Variants in COG5 observed in about 807,000 individuals in gnomAD.
COG5 encodes the protein component of oligomeric golgi complex 5.
COG5 carries 86 observed loss-of-function variants against 110.4 expected under a neutral mutation model. The ratio of observed to expected loss-of-function variants is 0.78; its 90% CI spans 0.65 to 0.93. The LOEUF (loss-of-function observed/expected upper bound fraction) is 0.93, where lower values mean the gene tolerates loss of function less well. Ranked by LOEUF, COG5 falls within the 40% of genes least tolerant of loss-of-function variation. The pLI, the probability that COG5 is intolerant of heterozygous loss-of-function variation, is 0.00. For missense variants in COG5, 1,077 were observed against 987.0 expected, an observed-to-expected ratio of 1.09 and a Z score of -1.22; for synonymous variants, 360 against 334.6, an observed-to-expected ratio of 1.08 and a Z score of -0.83.
At chr7:107,421,726 A>C (rs1793306285) in intron 6 of COG5, among the ~76,000 whole-genome samples, 1 of 151,674 alleles carries the variant, frequency 6.6e-6, no homozygotes, top group Non-Finnish European at 1.5e-5. Context: ...AGATTGCGCC[A>C]CTGCACTCCA....
chr7:107,482,199 T>G (rs1168672655), intron 6 of COG5, among the ~76,000 whole-genome samples: 2 of 151,340 alleles, frequency 1.3e-5, no homozygotes, highest in Non-Finnish European at 2.9e-5. Flanking sequence ...TGGGGTGCAG[T>G]GGTACAATCA....
intron 5 of COG5, among the ~76,000 whole-genome samples, chr7:107,532,538 T>C (rs928578133): frequency 6.6e-6 from 1 of 152,152 alleles, no homozygotes; most frequent in African/African-American, 2.4e-5. Context: ...CAAATATATA[T>C]ATACACACAA....
In COG5 at chr7:107,474,513, T is replaced by G; in HGVS notation, c.538+52724A>C. On this transcript the variant is annotated intron_variant, in intron 6 of 21. Transcript: ENST00000297135. This position sits in a 1 kb window ranked among gnomAD's most constrained non-coding sequence, Gnocchi z 5.7. ...TCTCTGTAAAACCTGCAAACCGAAT[T>G]CTGACAATGGGCAGAGCTGTAATGT... is the stretch of plus-strand genomic sequence containing the variant. 1 of 1,612,954 alleles carries G rather than the reference T, an allele frequency of 6.2e-7. No individual in the cohort carries two copies. Among genetic ancestry groups the G allele is most frequent in the Non-Finnish European group, 8.5e-7 (1 of 1,179,226 alleles).
intron 6 of COG5, among the ~76,000 whole-genome samples, chr7:107,415,828 GTA>G (rs1231236549): frequency 1.3e-4 from 11 of 82,486 alleles, no homozygotes; most frequent in African/African-American, 4.3e-4. Context: ...ATACACGTAT[GTA>G]TGTATGTGTG....
At chr7:107,538,196 C>G (rs1335305147) in intron 5 of COG5, among the ~76,000 whole-genome samples, 1 of 152,144 alleles carries the variant, frequency 6.6e-6, no homozygotes, top group Non-Finnish European at 1.5e-5. Context: ...AACACAGCAC[C>G]AGCCAGCCAG....
At chr7:107,260,146 T>A (rs1250419010) in intron 14 of COG5, among the ~76,000 whole-genome samples, 1 of 150,560 alleles carries the variant, frequency 6.6e-6, no homozygotes, top group Non-Finnish European at 1.5e-5. Flanking sequence ...CATAGCAGCA[T>A]TTATTCATAA....
chr7:107,349,173 T>C (rs1811904664), intron 10 of COG5, among the ~76,000 whole-genome samples: 1 of 152,238 alleles, frequency 6.6e-6, no homozygotes, highest in South Asian at 2.1e-4. Flanking sequence ...GAAGTACAAC[T>C]GACTTTTATA....
intron 6 of COG5, among the ~76,000 whole-genome samples, chr7:107,428,567 T>G (rs1424632100): frequency 6.6e-6 from 1 of 152,218 alleles, no homozygotes; most frequent in Non-Finnish European, 1.5e-5. Context: ...ATGGCTCTGT[T>G]AACACCTTTA....
chr7:107,404,040 T>C (rs1027284609), intron 7 of COG5, among the ~76,000 whole-genome samples: 1 of 152,162 alleles, frequency 6.6e-6, no homozygotes, highest in African/African-American at 2.4e-5. Flanking sequence ...CATTGAATTA[T>C]CAGTCAATAA....
At chr7:107,327,927 C>T (rs954613535) in intron 10 of COG5, among the ~76,000 whole-genome samples, 11 of 152,142 alleles carry the variant, frequency 7.2e-5, no homozygotes, top group African/African-American at 2.7e-4. Flanking sequence ...AGCAATTCCA[C>T]TTCTGGGTAT....
chr7:107,233,247 T>C (rs1800908192), intron 18 of COG5, among the ~76,000 whole-genome samples: 1 of 152,086 alleles, frequency 6.6e-6, no homozygotes, highest in South Asian at 2.1e-4. Flanking sequence ...GTGGGCAAGA[T>C]CCCAGTGAGA....
intron 10 of COG5, among the ~76,000 whole-genome samples, chr7:107,341,021 C>T (rs1420338120): frequency 6.6e-6 from 1 of 152,082 alleles, no homozygotes; most frequent in Non-Finnish European, 1.5e-5. Context: ...AGTTGAAGTG[C>T]TAGCCAGAAC....
At chr7:107,561,213 A>G (rs1187398447) in intron 1 of COG5, among the ~76,000 whole-genome samples, 1 of 152,226 alleles carries the variant, frequency 6.6e-6, no homozygotes, top group African/African-American at 2.4e-5. Context: ...ATTCCCATAG[A>G]GGGCATATCA....
At chr7:107,447,824 A>C (rs144930232) in intron 6 of COG5, among the ~76,000 whole-genome samples, 6 of 152,324 alleles carry the variant, frequency 3.9e-5, no homozygotes, top group African/African-American at 1.4e-4. Flanking sequence ...TATTCGGATT[A>C]TAAAGTCTTC....
At chr7:107,348,847 T>C (rs1264262272) in intron 10 of COG5, among the ~76,000 whole-genome samples, 3 of 152,106 alleles carry the variant, frequency 2.0e-5, no homozygotes, top group Non-Finnish European at 4.4e-5. Context: ...AGTACAGTTA[T>C]CAATATTAGA....
intron 8 of COG5, among the ~76,000 whole-genome samples, chr7:107,371,159 T>G (rs1054295846): frequency 1.6e-4 from 25 of 152,230 alleles, no homozygotes; most frequent in Non-Finnish European, 4.4e-5. Context: ...ATAGTTTCAA[T>G]ACAAACCTAT....
chr7:107,235,617 C>T (rs570282511), intron 18 of COG5, among the ~76,000 whole-genome samples: 1 of 152,318 alleles, frequency 6.6e-6, no homozygotes, highest in Admixed American at 6.5e-5. Context: ...GCAGAGGAAT[C>T]ACTTGAACCC....
intron 6 of COG5, among the ~76,000 whole-genome samples, chr7:107,425,422 A>T (rs1793578181): frequency 6.6e-6 from 1 of 151,848 alleles, no homozygotes; most frequent in Non-Finnish European, 1.5e-5. Flanking sequence ...TCATATAAAC[A>T]TTAATGACCA....
intron 14 of COG5, among the ~76,000 whole-genome samples, chr7:107,266,319 C>A (rs1416734122): frequency 6.6e-6 from 1 of 152,120 alleles, no homozygotes; most frequent in Non-Finnish European, 1.5e-5. Context: ...ACAGCGTATG[C>A]CATACTTTTC....
Sources: allele counts gnomAD v4.1 joint callset (sites outside exome capture counted in the v4.1 genomes callset), GRCh38; gene constraint gnomAD v4.1.1; non-coding constraint Gnocchi (gnomAD v3.1); transcripts MANE v1.5; gene names NCBI Gene and HGNC (gene_info 2026-07-23, HGNC 2026-07-21).